The following RAP1A variants were observed in gnomAD, a reference collection of about 807,000 sequenced individuals.
The protein encoded by RAP1A is ras-related protein Rap-1A.
A neutral mutation model predicts 26.4 loss-of-function variants in RAP1A; 6 were observed. The ratio of observed to expected loss-of-function variants is 0.23; its 90% CI spans 0.12 to 0.45. The LOEUF is 0.45. Among genes scored for constraint, RAP1A ranks in the 20% least tolerant of loss-of-function variants. RAP1A has a pLI of 0.99. For missense variants in RAP1A, 121 were observed against 217.2 expected, an observed-to-expected ratio of 0.56 and a Z score of 2.78; for synonymous variants, 73 against 79.4, an observed-to-expected ratio of 0.92 and a Z score of 0.43.
chr1:111,704,259 T>C, intron 5 of RAP1A, 84 bp from the exon 6 acceptor site: 1 of 1,412,020 alleles, frequency 7.1e-7, no homozygotes, highest in Non-Finnish European at 9.6e-7. Context: ...TTTCAGTTGG[T>C]GGCAGATAAT....
chr1:111,549,198 T>C (rs1226684043), intron 1 of RAP1A, among the ~76,000 whole-genome samples: 1 of 152,116 alleles, frequency 6.6e-6, no homozygotes, highest in Non-Finnish European at 1.5e-5. Flanking sequence ...TTATAGAAGG[T>C]GTTAGGAAGT....
In RAP1A at chr1:111,666,697, C is replaced by T. The variant is rs76825271; in HGVS notation, c.-27-24637C>T. ...TGATCAGTATTGCTTAGGAAAAATG[C>T]CTGATACTATAAGAGTATATAAAGT... On this transcript the variant is annotated intron_variant, in intron 1 of 7. Transcript: ENST00000369709. 8.7e-3 allele frequency among the ~76,000 whole-genome samples: 1,315 copies of T among 151,252 alleles called. 17 individuals carry two copies. Among genetic ancestry groups the T allele is most frequent in the African/African-American group, 0.031 (1,258 of 41,210 alleles).
At chr1:111,675,774 G>A (rs991995440) in intron 1 of RAP1A, among the ~76,000 whole-genome samples, 1 of 152,142 alleles carries the variant, frequency 6.6e-6, no homozygotes, top group Non-Finnish European at 1.5e-5. Flanking sequence ...TTTTCATGCT[G>A]CTGATAAAGA....
chr1:111,648,430 C>T (rs746381372), intron 1 of RAP1A: 7 of 583,536 alleles, frequency 1.2e-5, no homozygotes, highest in African/African-American at 3.7e-5. Context: ...CATCTTCCAG[C>T]AGGTGGTGGT....
intron 4 of RAP1A, among the ~76,000 whole-genome samples, chr1:111,699,463 C>CTT (rs11435540): frequency 0.015 from 1,895 of 124,156 alleles, 61 homozygotes; most frequent in African/African-American, 0.038. Context: ...CTCACTTCCT[C>CTT]TTTTTTTTTT....
chr1:111,672,557 C>G (rs938633876), intron 1 of RAP1A, among the ~76,000 whole-genome samples: 34 of 152,084 alleles, frequency 2.2e-4, no homozygotes, highest in African/African-American at 8.2e-4. Context: ...CTCTGGCAAC[C>G]ATGTCTTTCT....
At chr1:111,652,719 C>A (rs1433337723) in intron 1 of RAP1A, among the ~76,000 whole-genome samples, 1 of 151,940 alleles carries the variant, frequency 6.6e-6, no homozygotes, top group Non-Finnish European at 1.5e-5. Context: ...AGGACAATAA[C>A]AAGTGTTGGC....
intron 1 of RAP1A, among the ~76,000 whole-genome samples, chr1:111,690,856 A>T (rs540695786): frequency 6.6e-6 from 1 of 152,208 alleles, no homozygotes; most frequent in Admixed American, 6.5e-5. Context: ...TTTCAAGATG[A>T]CATTTTAAAT....
intron 6 of RAP1A, among the ~76,000 whole-genome samples, chr1:111,707,161 A>C (rs949716062): frequency 6.6e-6 from 1 of 152,226 alleles, no homozygotes; most frequent in Non-Finnish European, 1.5e-5. Flanking sequence ...AGTGGGAAGA[A>C]TGGAGCAGAA....
chr1:111,617,449 C>G (rs1263899610), upstream of RAP1A, among the ~76,000 whole-genome samples: 3 of 152,078 alleles, frequency 2.0e-5, no homozygotes, highest in African/African-American at 4.8e-5. Context: ...AATTTTACCT[C>G]TCTTACAGAG....
At chr1:111,583,481 A>T (rs77392456) in intron 1 of RAP1A, among the ~76,000 whole-genome samples, 1 of 151,412 alleles carries the variant, frequency 6.6e-6, no homozygotes, top group African/African-American at 2.4e-5. Flanking sequence ...AAAAAAAAAA[A>T]ATACAGTCAG....
chr1:111,696,055 C>T (rs979302420), intron 3 of RAP1A, among the ~76,000 whole-genome samples: 1 of 152,030 alleles, frequency 6.6e-6, no homozygotes, highest in African/African-American at 2.4e-5. Flanking sequence ...CTGCACCTTC[C>T]CCTCAGTTTT....
At chr1:111,580,801 C>T (rs1658241152) in intron 1 of RAP1A, among the ~76,000 whole-genome samples, 2 of 151,532 alleles carry the variant, frequency 1.3e-5, no homozygotes. Flanking sequence ...GAGCCGAGAT[C>T]GTGCCACTGC....
chr1:111,545,169 A>G (rs1417154106), intron 1 of RAP1A, among the ~76,000 whole-genome samples: 1 of 152,120 alleles, frequency 6.6e-6, no homozygotes, highest in East Asian at 1.9e-4. Flanking sequence ...ATCATACAGT[A>G]ACTTTATTTT....
intron 1 of RAP1A, among the ~76,000 whole-genome samples, chr1:111,663,405 C>T (rs1394356504): frequency 6.6e-6 from 1 of 152,164 alleles, no homozygotes; most frequent in Admixed American, 6.5e-5. Flanking sequence ...CAGTGCTTTC[C>T]ATTCTTGTCT....
chr1:111,715,891 T>G lies in RAP1A; in HGVS notation c.*3490T>G, dbSNP rs1662527285. ...ATTACCCTTGTAGATACACATGTATTTGTCAGTTTATGTGCCTCAGTTTTG... is the reference window on the plus strand; with the variant it reads ...ATTACCCTTGTAGATACACATGTATGTGTCAGTTTATGTGCCTCAGTTTTG... On this transcript the variant is annotated 3_prime_UTR_variant, in exon 8 of 8. Coordinates refer to ENST00000369709, the MANE Select transcript of RAP1A (RefSeq NM_002884.4). 6.6e-6 allele frequency: 1 copy of G among 152,224 alleles called. No homozygotes were observed. Among genetic ancestry groups the G allele is most frequent in the Admixed American group, 6.5e-5 (1 of 15,292 alleles). 9.4% of individuals were successfully genotyped at this position (152,224 alleles called of 1,614,324 possible).
chr1:111,707,540 A>G lies in RAP1A; in HGVS notation c.469-1609A>G, dbSNP rs114602647. On this transcript the variant is annotated intron_variant, in intron 6 of 7. Coordinates refer to ENST00000369709, the MANE Select transcript of RAP1A (RefSeq NM_002884.4). ...CATTGTCTTACACAACCACAGCACA[A>G]TGATTAGAATCCTAAAAATTGATGA... Among the ~76,000 whole-genome samples, 595 of 152,310 alleles carry G rather than the reference A, an allele frequency of 3.9e-3. 3 individuals are homozygous for G. Among genetic ancestry groups the G allele is most frequent in the African/African-American group, 0.013 (542 of 41,562 alleles).
At chr1:111,658,674 A>G (rs1263869219) in intron 1 of RAP1A, among the ~76,000 whole-genome samples, 2 of 152,240 alleles carry the variant, frequency 1.3e-5, no homozygotes, top group Non-Finnish European at 2.9e-5. Context: ...TGGGACCACC[A>G]TCACATATGC....
At chr1:111,682,806 G>C (rs1661338696) in intron 1 of RAP1A, among the ~76,000 whole-genome samples, 1 of 152,138 alleles carries the variant, frequency 6.6e-6, no homozygotes, top group African/African-American at 2.4e-5. Context: ...CTTGAACCCA[G>C]CTCTGGACCA....
Sources: allele counts gnomAD v4.1 joint callset (sites outside exome capture counted in the v4.1 genomes callset), GRCh38; gene constraint gnomAD v4.1.1; transcripts MANE v1.5; gene names NCBI Gene and HGNC (gene_info 2026-07-23, HGNC 2026-07-21).